The following SHCBP1L variants were observed in gnomAD, a reference collection of about 807,000 sequenced individuals.
SHCBP1L encodes testicular spindle-associated protein SHCBP1L.
Under a neutral mutation model 62.5 loss-of-function variants are expected in SHCBP1L, and 67 were observed. The ratio of observed to expected loss-of-function variants is 1.07; its 90% CI spans 0.88 to 1.31. The LOEUF (loss-of-function observed/expected upper bound fraction) is 1.31. SHCBP1L is among the 40% of genes most tolerant of loss of function. The pLI is 0.00. For missense variants in SHCBP1L, 823 were observed against 809.8 expected, an observed-to-expected ratio of 1.02 and a Z score of -0.20; for synonymous variants, 284 against 289.4, an observed-to-expected ratio of 0.98 and a Z score of 0.19.
chr1:182,951,575 T>A (rs1571363586), intron 1 of SHCBP1L, 108 bp from the exon 2 acceptor site: 4 of 715,420 alleles, frequency 5.6e-6, no homozygotes, highest in Non-Finnish European at 8.2e-6. Context: ...GGAACCAATA[T>A]AGCCTTAAAT....
intron 2 of SHCBP1L, among the ~76,000 whole-genome samples, chr1:182,950,040 C>T (rs568638496): frequency 4.6e-5 from 7 of 152,216 alleles, no homozygotes; most frequent in East Asian, 1.9e-4. Flanking sequence ...ACCTTGGCCT[C>T]CCAAAGTGTT....
chr1:182,930,564 T>C (rs1158145113), intron 5 of SHCBP1L, among the ~76,000 whole-genome samples: 2 of 81,338 alleles, frequency 2.5e-5, no homozygotes, highest in South Asian at 7.3e-4. Flanking sequence ...TATATATATA[T>C]ATATATATAT....
At chr1:182,945,243 C>A (rs1262037664) in intron 2 of SHCBP1L, among the ~76,000 whole-genome samples, 1 of 152,054 alleles carries the variant, frequency 6.6e-6, no homozygotes, top group Non-Finnish European at 1.5e-5. Context: ...GTATTACAGG[C>A]GTGAGCCACT....
Position 182,909,802 on chromosome 1 carries a change from C to A in SHCBP1L, c.1183-4153G>T, listed in dbSNP as rs144897584. Among the ~76,000 whole-genome samples the A allele has an allele frequency of 8.3e-4, 127 of 152,242 alleles. 1 individual carries two copies. The highest frequency in any genetic ancestry group is 2.8e-3 in the African/African-American group (115 of 41,536). The stretch of plus-strand genomic sequence containing the variant: ...GTGTCAAATGCTGCTCAAAGATTAA[C>A]AAGATGGTAATCTCTGAGTTGTACC... On this transcript the variant is annotated intron_variant, in intron 6 of 9. Transcript: ENST00000367547.
At chr1:182,908,664 A>G (rs1650090071) in intron 6 of SHCBP1L, among the ~76,000 whole-genome samples, 1 of 152,198 alleles carries the variant, frequency 6.6e-6, no homozygotes, top group African/African-American at 2.4e-5. Flanking sequence ...ATGGTTTATG[A>G]GTTTTCAACA....
At position 182,904,398 on chromosome 1, in the gene SHCBP1L, A is replaced by G. The variant is rs778716120; in HGVS notation, c.1369T>C (p.Ser457Pro). 1.9e-6 allele frequency: 3 copies of G among 1,614,150 alleles called. No individual in the cohort carries two copies. The highest frequency in any genetic ancestry group is 3.3e-5 in the Admixed American group (2 of 60,012). ...VGKREEIMIT[S>P]EPSRDSFVVS... ...ACAAAACTGTCACGAGAAGGTTCAGAAGTAATCATAATTTCCTCTCTCTTT... is the reference window on the plus strand; with the variant it reads ...ACAAAACTGTCACGAGAAGGTTCAGGAGTAATCATAATTTCCTCTCTCTTT... The change falls in exon 8 of 10, where the codon TCT becomes CCT. Residue 457 changes from serine (S) to proline (P), a missense_variant. Coordinates refer to ENST00000367547, the MANE Select transcript of SHCBP1L (RefSeq NM_030933.4).
chr1:182,940,052 T>C (rs1161439213), intron 3 of SHCBP1L, among the ~76,000 whole-genome samples: 2 of 152,166 alleles, frequency 1.3e-5, no homozygotes, highest in Admixed American at 6.5e-5. Flanking sequence ...GAAGTTAATG[T>C]TACTTATTTC....
chr1:182,927,396 G>C (rs900922515), intron 6 of SHCBP1L, among the ~76,000 whole-genome samples: 1 of 152,066 alleles, frequency 6.6e-6, no homozygotes, highest in Non-Finnish European at 1.5e-5. Flanking sequence ...ACAGCAGCCG[G>C]GCGCGGTGGC....
At position 182,905,511 on chromosome 1, in the gene SHCBP1L, C is replaced by T; in HGVS notation, c.1321G>A (p.Asp441Asn). The change falls in exon 7 of 10, where the codon GAC (aspartate) becomes AAC (asparagine). Residue 441 changes from aspartate (D) to asparagine (N), a missense_variant. Asp to Asn is a conservative substitution (Grantham distance 23). Coordinates refer to ENST00000367547, the MANE Select transcript of SHCBP1L (RefSeq NM_030933.4). ...QAANLALLTDDIIIKGVGKRE... is the reference protein window; with the variant it reads ...QAANLALLTDNIIIKGVGKRE... The stretch of plus-strand genomic sequence containing the variant: ...CCCTGCTAACCCTTTATAATGATGT[C>T]ATCTGTCAACAAAGCAAGATTTGCA... The T allele has an allele frequency of 6.2e-7, 1 of 1,613,652 alleles. No homozygotes were observed. The highest frequency in any genetic ancestry group is 8.5e-7 in the Non-Finnish European group (1 of 1,179,794).
chr1:182,909,807 T>C (rs1036188427), intron 6 of SHCBP1L, among the ~76,000 whole-genome samples: 15 of 152,158 alleles, frequency 9.9e-5, no homozygotes, highest in Non-Finnish European at 1.5e-4. Flanking sequence ...ATTAACAAGA[T>C]GGTAATCTCT....
chr1:182,912,862 C>A (rs1461199538), intron 6 of SHCBP1L, among the ~76,000 whole-genome samples: 1 of 151,618 alleles, frequency 6.6e-6, no homozygotes, highest in Non-Finnish European at 1.5e-5. Context: ...ATAGGCCAGG[C>A]ACTGTGGCTC....
chr1:182,912,527 ATTT>A (rs34803527), intron 6 of SHCBP1L, among the ~76,000 whole-genome samples: 1 of 144,338 alleles, frequency 6.9e-6, no homozygotes, highest in African/African-American at 2.5e-5. Flanking sequence ...TGTAATATCA[ATTT>A]TTTTTTTTTT....
chr1:182,949,292 G>T (rs79003874), intron 2 of SHCBP1L, among the ~76,000 whole-genome samples: 1 of 140,506 alleles, frequency 7.1e-6, no homozygotes, highest in African/African-American at 2.9e-5. Flanking sequence ...AAAAAAAAAA[G>T]TCATAAAGCC....
chr1:182,911,251 T>C (rs1650177138), intron 6 of SHCBP1L, among the ~76,000 whole-genome samples: 2 of 152,132 alleles, frequency 1.3e-5, no homozygotes, highest in African/African-American at 4.8e-5. Context: ...CACTATCTAC[T>C]GAGATAACAC....
intron 9 of SHCBP1L, among the ~76,000 whole-genome samples, chr1:182,900,517 C>T (rs920929184): frequency 1.2e-4 from 18 of 152,124 alleles, no homozygotes; most frequent in Non-Finnish European, 1.6e-4. Flanking sequence ...ACTGCAACCT[C>T]CGCCTCCCGG....
At chr1:182,904,562 T>C in intron 7 of SHCBP1L, 132 bp from the exon 8 acceptor site, 1 of 896,468 alleles carries the variant, frequency 1.1e-6, no homozygotes, top group Non-Finnish European at 1.7e-6. Flanking sequence ...TGTGTGTGTG[T>C]GTGTGTGTGT....
chr1:182,925,606 A>T (rs1372666408), intron 6 of SHCBP1L, among the ~76,000 whole-genome samples: 1 of 152,224 alleles, frequency 6.6e-6, no homozygotes, highest in Non-Finnish European at 1.5e-5. Flanking sequence ...GAACTCTAAT[A>T]CTTTGCAGAT....
intron 2 of SHCBP1L, among the ~76,000 whole-genome samples, chr1:182,949,712 A>C (rs1359783968): frequency 6.6e-6 from 1 of 152,098 alleles, no homozygotes; most frequent in Non-Finnish European, 1.5e-5. Context: ...AAAAAGAAAA[A>C]GGAAAAGAAA....
chr1:182,915,192 A>AAAAAAAAAAAAAAAAAAAAAAAAAAAAT (rs1650317357), intron 6 of SHCBP1L, among the ~76,000 whole-genome samples: 1 of 146,790 alleles, frequency 6.8e-6, no homozygotes, highest in Non-Finnish European at 1.5e-5. Flanking sequence ...AAAAAAAAAA[A>AAAAAAAAAAAAAAAAAAAAAAAAAAAAT]AAAGAATCTC....
Sources: gnomAD v4.1 joint callset for allele counts (sites outside exome capture counted in the v4.1 genomes callset) on GRCh38, gnomAD v4.1.1 for gene constraint, MANE v1.5 for transcripts, NCBI Gene and HGNC (gene_info 2026-07-23, HGNC 2026-07-21) for gene names.